The following CLASP1 variants were observed in gnomAD, a reference collection of about 807,000 sequenced individuals.
The protein encoded by CLASP1 is cytoplasmic linker associated protein 1, also known as CLIP-associating protein 1.
In CLASP1, 38 loss-of-function variants were observed where a neutral mutation model predicts 192.3. That is an observed-to-expected ratio of 0.20 (90% CI 0.15 to 0.26). CLASP1 has a LOEUF of 0.26. Among genes scored for constraint, CLASP1 ranks in the 10% least tolerant of loss-of-function variants. The probability of loss-of-function intolerance (pLI) is 1.00; values close to 1 mark genes in which losing one functional copy is unlikely to be tolerated. For missense variants in CLASP1, 1,433 were observed against 1,932.5 expected (o/e 0.74, Z 4.85); for synonymous variants, 691 against 712.8 (o/e 0.97, Z 0.49).
chr2:121,578,920 T>C (rs1317281679), intron 2 of CLASP1, among the ~76,000 whole-genome samples: 8 of 152,190 alleles, frequency 5.3e-5, no homozygotes. Flanking sequence ...TTCCTCCATA[T>C]AAATACCATA....
In CLASP1 at chr2:121,459,119, T is replaced by C. The variant is rs2087308219; in HGVS notation, c.1179-144A>G. 5.6e-6 allele frequency: 3 copies of C among 536,618 alleles called. No individual in the cohort carries two copies. The Admixed American group carries it at 9.6e-5, about 17-fold the overall frequency. 33.2% of individuals were successfully genotyped at this position (536,618 alleles called of 1,614,324 possible). A position where few individuals can be genotyped will look rare whatever the true frequency, so the allele number is the denominator to read the frequency against. On this transcript the variant is annotated intron_variant, in intron 12 of 39. Transcript: ENST00000263710. ...ATTTCCGATGTGCATGTTAAGAACT[T>C]GGCAAATAGTTCTTAGCCCAAAAGT...
intron 14 of CLASP1, among the ~76,000 whole-genome samples, chr2:121,456,066 C>T (rs1009881167): frequency 6.6e-5 from 10 of 152,080 alleles, no homozygotes; most frequent in Admixed American, 3.3e-4. Flanking sequence ...GAGTAGATTT[C>T]AAGTGTTCTC....
chr2:121,344,887 G>T (rs906855200), intron 39 of CLASP1, among the ~76,000 whole-genome samples: 1 of 152,144 alleles, frequency 6.6e-6, no homozygotes, highest in African/African-American at 2.4e-5. Flanking sequence ...GCCAGACACG[G>T]TGGCTCACAC....
chr2:121,356,717 G>C (rs1189338373), intron 37 of CLASP1, among the ~76,000 whole-genome samples: 2 of 152,194 alleles, frequency 1.3e-5, no homozygotes, highest in Non-Finnish European at 2.9e-5. Flanking sequence ...TGAAGATCTT[G>C]AGAAGTAGTG....
At chr2:121,509,784 G>A (rs893404455) in intron 7 of CLASP1, among the ~76,000 whole-genome samples, 1 of 152,144 alleles carries the variant, frequency 6.6e-6, no homozygotes, top group Admixed American at 6.5e-5. Flanking sequence ...GTTGCAGTGA[G>A]CCAAGACTGT....
intron 23 of CLASP1, among the ~76,000 whole-genome samples, chr2:121,417,640 G>A (rs757929052): frequency 6.6e-6 from 1 of 152,178 alleles, no homozygotes; most frequent in Admixed American, 6.5e-5. Flanking sequence ...CAGGGCTTTG[G>A]CATCTGGTTA....
intron 36 of CLASP1, chr2:121,364,865 A>G (rs2067084534): frequency 1.8e-6 from 1 of 558,274 alleles, no homozygotes; most frequent in Admixed American, 3.0e-5. Context: ...CAACTACTAT[A>G]AACCCAGTTG....
At chr2:121,598,239 C>T (rs982820907) in intron 2 of CLASP1, among the ~76,000 whole-genome samples, 3 of 152,226 alleles carry the variant, frequency 2.0e-5, no homozygotes, top group African/African-American at 7.2e-5. Context: ...TAACCAATTA[C>T]TCAACCCACA....
chr2:121,530,619 C>T, intron 2 of CLASP1: 1 of 529,944 alleles, frequency 1.9e-6, no homozygotes, highest in Non-Finnish European at 3.4e-6. Flanking sequence ...CGCGGTCCCG[C>T]CCCCGCCAGC....
chr2:121,521,665 G>C (rs985476824), intron 6 of CLASP1, among the ~76,000 whole-genome samples: 2 of 152,126 alleles, frequency 1.3e-5, no homozygotes, highest in Admixed American at 1.3e-4. Context: ...CACTGCATTC[G>C]GACCACCAAG....
At chr2:121,438,129 T>C (rs1025471703) in intron 19 of CLASP1, among the ~76,000 whole-genome samples, 4 of 152,236 alleles carry the variant, frequency 2.6e-5, no homozygotes, top group Admixed American at 6.5e-5. Context: ...CTGATTTCCA[T>C]CTGCATGAAC....
At chr2:121,427,282 AC>A in intron 21 of CLASP1, 121 bp downstream of exon 21, 2 of 1,235,452 alleles carry the variant, frequency 1.6e-6, no homozygotes, top group Non-Finnish European at 2.2e-6. Context: ...ACAAAGAAAA[AC>A]GCAGAAAGAT....
At chr2:121,600,787 A>G (rs1010284079) in intron 2 of CLASP1, among the ~76,000 whole-genome samples, 6 of 152,162 alleles carry the variant, frequency 3.9e-5, no homozygotes, top group African/African-American at 7.2e-5. Flanking sequence ...TCCTTTTCCT[A>G]TTAGGACCCT....
intron 37 of CLASP1, among the ~76,000 whole-genome samples, chr2:121,362,880 C>T (rs908852954): frequency 1.3e-5 from 2 of 152,220 alleles, no homozygotes; most frequent in African/African-American, 2.4e-5. Context: ...AGACCCTTCC[C>T]TTCCACAAAG....
intron 28 of CLASP1, among the ~76,000 whole-genome samples, chr2:121,400,130 A>G (rs1476505871): frequency 6.6e-6 from 1 of 152,146 alleles, no homozygotes; most frequent in East Asian, 1.9e-4. Flanking sequence ...CCCTAACTCC[A>G]CTAAGTTTAG....
intron 19 of CLASP1, among the ~76,000 whole-genome samples, chr2:121,435,415 C>T (rs1460023207): frequency 1.3e-5 from 2 of 152,128 alleles, no homozygotes; most frequent in Admixed American, 6.5e-5. Flanking sequence ...GCTGGGAATA[C>T]AGGCATGTGC....
intron 8 of CLASP1, among the ~76,000 whole-genome samples, chr2:121,493,524 A>T (rs1559427659): frequency 6.6e-6 from 1 of 152,182 alleles, no homozygotes; most frequent in Non-Finnish European, 1.5e-5. Context: ...TAAACCTAAG[A>T]CCTCAAACTA....
chr2:121,521,270 G>A (rs776883178), intron 6 of CLASP1, among the ~76,000 whole-genome samples: 3 of 152,166 alleles, frequency 2.0e-5, no homozygotes, highest in Non-Finnish European at 4.4e-5. Flanking sequence ...TGGCCTTGTC[G>A]AATGAGCTGA....
chr2:121,449,142 C>G lies in CLASP1; in HGVS notation c.1524-22G>C, dbSNP rs185799656. 9.4e-5 allele frequency: 152 copies of G among 1,611,540 alleles called. No homozygotes were observed. In the East Asian group the frequency reaches 3.0e-3, roughly 31 times the overall value. On this transcript the variant is annotated intron_variant, in intron 16 of 39. Transcript: ENST00000263710. Reference sequence around the variant, plus strand: ...ACATCTAGAGGAAACACACAAAATCCTGGTCTAATTCAAGGATCCAAACAG... The same window carrying G: ...ACATCTAGAGGAAACACACAAAATCGTGGTCTAATTCAAGGATCCAAACAG...
Sources: gnomAD v4.1 joint callset for allele counts (sites outside exome capture counted in the v4.1 genomes callset) on GRCh38, gnomAD v4.1.1 for gene constraint, MANE v1.5 for transcripts, NCBI Gene and HGNC (gene_info 2026-07-23, HGNC 2026-07-21) for gene names.